The following DPH6 variants were observed in gnomAD, a reference collection of about 807,000 sequenced individuals.
DPH6 encodes the protein diphthine--ammonia ligase.
DPH6 carries 33 observed loss-of-function variants against 38.2 expected under a neutral mutation model. The ratio of observed to expected loss-of-function variants is 0.86; its 90% CI spans 0.65 to 1.15. DPH6 has a LOEUF of 1.15. DPH6 is among the 50% of genes most tolerant of loss of function. DPH6 has a pLI of 0.00. For missense variants in DPH6, 325 were observed against 320.0 expected (o/e 1.02, Z -0.12); for synonymous variants, 108 against 103.0 (o/e 1.05, Z -0.30).
chr15:35,542,965 T>TGTATATATATATATATATATATATAA (rs1555410133), intron 1 of DPH6, among the ~76,000 whole-genome samples: 1 of 76,170 alleles, frequency 1.3e-5, no homozygotes, highest in East Asian at 5.2e-4. Context: ...TATATATATA[T>TGTATATATATATATATATATATATAA]AAAATAATTT....
chr15:35,433,818 G>T (rs1397650787), intron 5 of DPH6, among the ~76,000 whole-genome samples: 1 of 152,182 alleles, frequency 6.6e-6, no homozygotes, highest in Non-Finnish European at 1.5e-5. Flanking sequence ...CTGGAGTGCA[G>T]TTTGGTCACT....
chr15:35,221,621 A>T (rs2051442643), intron 3 of DPH6, among the ~76,000 whole-genome samples: 1 of 152,170 alleles, frequency 6.6e-6, no homozygotes, highest in South Asian at 2.1e-4. Context: ...ACATCCTGGA[A>T]GATCTCCTAA....
intron 3 of DPH6, among the ~76,000 whole-genome samples, chr15:35,470,153 G>T (rs549872718): frequency 2.6e-5 from 4 of 152,018 alleles, no homozygotes; most frequent in Admixed American, 6.6e-5. Context: ...AGCCGAGATC[G>T]CACCACTACA....
chr15:35,524,290 C>A (rs1057125244), intron 3 of DPH6, among the ~76,000 whole-genome samples: 2 of 152,008 alleles, frequency 1.3e-5, no homozygotes, highest in Non-Finnish European at 2.9e-5. Context: ...TTGAACAAAA[C>A]ACTTCATGGA....
chr15:35,164,015 C>G, the DPH6 span, among the ~76,000 whole-genome samples: 1 of 151,826 alleles, frequency 6.6e-6, no homozygotes, highest in African/African-American at 2.4e-5. Context: ...AAAGAATTGT[C>G]TAATATTCAT....
chr15:35,298,938 C>T, intron 3 of DPH6: 1 of 791,990 alleles, frequency 1.3e-6, no homozygotes, highest in South Asian at 1.4e-5. Context: ...GGCAGCTCCG[C>T]CCATACTTGT....
chr15:35,539,217 T>C (rs1244137858), intron 2 of DPH6, among the ~76,000 whole-genome samples: 3 of 151,984 alleles, frequency 2.0e-5, no homozygotes, highest in African/African-American at 7.2e-5. Context: ...CCTTACTTTT[T>C]AGAAAAAGAA....
chr15:35,262,167 T>G (rs973404438), intron 3 of DPH6, among the ~76,000 whole-genome samples: 6 of 152,202 alleles, frequency 3.9e-5, no homozygotes, highest in Non-Finnish European at 7.3e-5. Context: ...GTTATACTTT[T>G]TTTCCTATTT....
intron 3 of DPH6, among the ~76,000 whole-genome samples, chr15:35,318,576 A>G (rs956920422): frequency 6.6e-6 from 1 of 152,174 alleles, no homozygotes; most frequent in Admixed American, 6.5e-5. Flanking sequence ...AGCAAGCCTC[A>G]ATGAATTTAA....
chr15:35,460,001 C>A (rs1462092473), intron 3 of DPH6, among the ~76,000 whole-genome samples: 1 of 152,154 alleles, frequency 6.6e-6, no homozygotes, highest in East Asian at 1.9e-4. Flanking sequence ...AAATAAAACA[C>A]CAAGCCTTTA....
At chr15:35,491,821 GTATC>G (rs1202533742) in intron 3 of DPH6, among the ~76,000 whole-genome samples, 1 of 149,976 alleles carries the variant, frequency 6.7e-6, no homozygotes, top group Non-Finnish European at 1.5e-5. Context: ...AAAGATATAT[GTATC>G]TATATATCTT....
chr15:35,483,275 C>T (rs896520250), intron 3 of DPH6, among the ~76,000 whole-genome samples: 1 of 151,848 alleles, frequency 6.6e-6, no homozygotes. Flanking sequence ...ACCAGCCTAA[C>T]CAACATGGTG....
intron 8 of DPH6, among the ~76,000 whole-genome samples, chr15:35,372,843 T>C (rs536064269): frequency 6.6e-6 from 1 of 151,946 alleles, no homozygotes; most frequent in Non-Finnish European, 1.5e-5. Flanking sequence ...ACACTAAATA[T>C]ACAGAAGACA....
chr15:35,296,973 A>C lies in DPH6; in HGVS notation n.201-76391T>G, dbSNP rs867095435. ...CTGATGGCCTGGCTTCTTATTCCAC[A>C]TTCCCAATACCAAGTCCATAGCCTG... On this transcript the variant is annotated intron_variant and non_coding_transcript_variant, in intron 3 of 3. Transcript: ENST00000560386. 2.6e-5 allele frequency among the ~76,000 whole-genome samples: 4 copies of C among 151,818 alleles called. No individual in the cohort carries two copies. The South Asian group carries it at 6.2e-4, about 24-fold the overall frequency.
intron 5 of DPH6, among the ~76,000 whole-genome samples, chr15:35,447,434 C>A (rs990351641): frequency 4.0e-5 from 6 of 151,126 alleles, no homozygotes; most frequent in African/African-American, 1.5e-4. Context: ...ATCTCTTATA[C>A]GTCCCCCCCC....
intron 5 of DPH6, among the ~76,000 whole-genome samples, chr15:35,426,656 C>A (rs1290427704): frequency 6.6e-6 from 1 of 151,634 alleles, no homozygotes; most frequent in African/African-American, 2.4e-5. Context: ...TTGGTATGGG[C>A]ATCTCTTAAT....
chr15:35,227,010 T>A (rs2051486287), intron 3 of DPH6, among the ~76,000 whole-genome samples: 1 of 152,088 alleles, frequency 6.6e-6, no homozygotes, highest in African/African-American at 2.4e-5. Flanking sequence ...TCACTTGTTA[T>A]AGGTCTGCTC....
At chr15:35,309,554 C>A (rs2052122682) in intron 3 of DPH6, among the ~76,000 whole-genome samples, 2 of 152,116 alleles carry the variant, frequency 1.3e-5, no homozygotes, top group Admixed American at 1.3e-4. Flanking sequence ...CTGCCTTAAA[C>A]CCATTTTAAA....
intron 4 of DPH6, among the ~76,000 whole-genome samples, chr15:35,451,463 G>T (rs189420958): frequency 6.5e-4 from 99 of 152,160 alleles, no homozygotes; most frequent in Non-Finnish European, 1.2e-3. Flanking sequence ...TTCATAAATA[G>T]GGGCAAAAAT....
Sources: gnomAD v4.1 joint callset for allele counts (sites outside exome capture counted in the v4.1 genomes callset) on GRCh38, gnomAD v4.1.1 for gene constraint, MANE v1.5 for transcripts, NCBI Gene and HGNC (gene_info 2026-07-23, HGNC 2026-07-21) for gene names.